Variants in FOXP2 observed in about 807,000 individuals in gnomAD.
FOXP2 encodes forkhead box protein P2.
FOXP2 carries 12 observed loss-of-function variants against 115.8 expected under a neutral mutation model. The ratio of observed to expected loss-of-function variants is 0.10; its 90% confidence interval spans 0.07 to 0.17. FOXP2 has a LOEUF of 0.17. Ranked by LOEUF, FOXP2 falls within the 10% of genes least tolerant of loss-of-function variation. The pLI, the probability that FOXP2 is intolerant of heterozygous loss-of-function variation, is 1.00. For synonymous variants in FOXP2, 328 were observed against 297.7 expected (o/e 1.10, Z -1.05); for missense variants, 629 against 843.5 (o/e 0.75, Z 3.15).
chr7:114,360,179 C>T (rs1562886462), intron 2 of FOXP2, among the ~76,000 whole-genome samples: 3 of 152,130 alleles, frequency 2.0e-5, no homozygotes, highest in Non-Finnish European at 2.9e-5. Flanking sequence ...TTCCTCTGCA[C>T]CTGCTCTCTT....
chr7:114,660,757 A>G (rs567385192), intron 13 of FOXP2, among the ~76,000 whole-genome samples: 1 of 152,192 alleles, frequency 6.6e-6, no homozygotes, highest in African/African-American at 2.4e-5. Flanking sequence ...TATGTTGAAG[A>G]TTTACATTTT....
At position 114,561,726 on chromosome 7, in the gene FOXP2, G is replaced by A. The variant is rs527947908; in HGVS notation, c.258+27020G>A. Among the ~76,000 whole-genome samples the A allele has an allele frequency of 1.8e-3, 271 of 152,150 alleles. 1 individual carries two copies. Among genetic ancestry groups the A allele is most frequent in the African/African-American group, 6.4e-3 (266 of 41,518 alleles). ...TAAAAATTATAAACATTCATGAATC[G>A]ATTCCTTTAAAAATGTTCTCCATGA... On this transcript the variant is annotated intron_variant, in intron 3 of 16. Coordinates refer to ENST00000350908, the MANE Select transcript of FOXP2 (RefSeq NM_014491.4).
intron 3 of FOXP2, among the ~76,000 whole-genome samples, chr7:114,592,592 T>TA (rs1414957040): frequency 3.3e-5 from 5 of 152,152 alleles, no homozygotes; most frequent in African/African-American, 1.2e-4. Context: ...CTTTCTTGAT[T>TA]AGCCTTTCTT....
intron 3 of FOXP2, among the ~76,000 whole-genome samples, chr7:114,616,630 A>T (rs188937609): frequency 2.9e-4 from 44 of 152,206 alleles, no homozygotes; most frequent in African/African-American, 8.4e-4. Flanking sequence ...GAAGATATTA[A>T]CTCCTTAGAA....
At chr7:114,291,282 A>T (rs1378593586) in intron 2 of FOXP2, among the ~76,000 whole-genome samples, 1 of 152,086 alleles carries the variant, frequency 6.6e-6, no homozygotes, top group Non-Finnish European at 1.5e-5. Flanking sequence ...TTCCTTTTAT[A>T]AAAAGGGCAC....
At chr7:114,620,245 GC>G (rs771185184) in intron 3 of FOXP2, among the ~76,000 whole-genome samples, 1 of 152,014 alleles carries the variant, frequency 6.6e-6, no homozygotes, top group Non-Finnish European at 1.5e-5. Context: ...CTGATTCCAA[GC>G]TTAGAAATAA....
At chr7:114,568,317 A>G (rs771970279) in intron 3 of FOXP2, among the ~76,000 whole-genome samples, 2 of 151,966 alleles carry the variant, frequency 1.3e-5, no homozygotes, top group Non-Finnish European at 2.9e-5. Context: ...TGATAAAAAT[A>G]AGATATATCA....
intron 16 of FOXP2, among the ~76,000 whole-genome samples, chr7:114,687,061 G>A (rs1808405531): frequency 6.6e-6 from 1 of 152,156 alleles, no homozygotes; most frequent in Non-Finnish European, 1.5e-5. Context: ...AACGTGAAAT[G>A]TCTGTTTCTG....
intron 1 of FOXP2, among the ~76,000 whole-genome samples, chr7:114,143,167 A>G (rs910395536): frequency 2.0e-4 from 30 of 148,970 alleles, no homozygotes; most frequent in African/African-American, 4.9e-4. Context: ...AATAATAATA[A>G]TAATAATAAT....
chr7:114,635,789 G>T (rs905685953), intron 6 of FOXP2, among the ~76,000 whole-genome samples: 3 of 151,928 alleles, frequency 2.0e-5, no homozygotes, highest in East Asian at 3.9e-4. Flanking sequence ...AGGAAGACTC[G>T]AAAGCAGTGT....
chr7:114,445,958 C>T (rs1183556076), intron 2 of FOXP2, among the ~76,000 whole-genome samples: 2 of 152,006 alleles, frequency 1.3e-5, no homozygotes, highest in African/African-American at 4.8e-5. Flanking sequence ...ATGTAATAGC[C>T]AATCTGGTAC....
chr7:114,174,743 A>G (rs1426454333), intron 1 of FOXP2, among the ~76,000 whole-genome samples: 1 of 152,116 alleles, frequency 6.6e-6, no homozygotes, highest in Admixed American at 6.5e-5. Flanking sequence ...TGTTTCATTC[A>G]GGTTTTACTA....
intron 6 of FOXP2, among the ~76,000 whole-genome samples, chr7:114,634,035 C>T (rs1805073760): frequency 2.0e-5 from 3 of 151,702 alleles, no homozygotes; most frequent in African/African-American, 7.3e-5. Context: ...CACTCTGTCA[C>T]CCACACTAGA....
In FOXP2 at chr7:114,219,472, T is replaced by C. The variant is rs920281862; in HGVS notation, c.-102+56384T>C. ...TTTTCTGCTTTTGAAGTTTTTCTTATCAATAGTAACAGCTATATTTGTTTT... is the reference window on the plus strand; with the variant it reads ...TTTTCTGCTTTTGAAGTTTTTCTTACCAATAGTAACAGCTATATTTGTTTT... On this transcript the variant is annotated intron_variant, in intron 1 of 17. Coordinates refer to the FOXP2 transcript ENST00000634411. Among the ~76,000 whole-genome samples the C allele has an allele frequency of 3.3e-5, 5 of 152,190 alleles. No homozygotes were observed. The East Asian group carries it at 5.8e-4, about 18-fold the overall frequency.
At chr7:114,494,378 C>T (rs572290715) in intron 2 of FOXP2, among the ~76,000 whole-genome samples, 1 of 152,174 alleles carries the variant, frequency 6.6e-6, no homozygotes, top group East Asian at 1.9e-4. Context: ...GAGATAAAGC[C>T]TTGATGTGTT....
chr7:114,529,951 C>T (rs1011242973), intron 2 of FOXP2, among the ~76,000 whole-genome samples: 1 of 151,872 alleles, frequency 6.6e-6, no homozygotes, highest in African/African-American at 2.4e-5. Context: ...GAAAATTAAA[C>T]TCTGTTTGAA....
At chr7:114,178,061 T>C (rs1046033219) in intron 1 of FOXP2, among the ~76,000 whole-genome samples, 2 of 151,978 alleles carry the variant, frequency 1.3e-5, no homozygotes, top group Non-Finnish European at 2.9e-5. Flanking sequence ...ATCATACATA[T>C]GAAGTGTAAA....
chr7:114,098,622 A>G (rs1163215507), intron 1 of FOXP2, among the ~76,000 whole-genome samples: 1 of 152,236 alleles, frequency 6.6e-6, no homozygotes, highest in Admixed American at 6.5e-5. Flanking sequence ...TAAAACTCCT[A>G]GAAGAGAACA....
At chr7:114,164,583 G>A (rs924690698) in intron 1 of FOXP2, among the ~76,000 whole-genome samples, 7 of 151,712 alleles carry the variant, frequency 4.6e-5, no homozygotes, top group Non-Finnish European at 7.4e-5. Context: ...CTTGTGATCC[G>A]CCCGCCTCAG....
Sources: allele counts gnomAD v4.1 joint callset (sites outside exome capture counted in the v4.1 genomes callset), GRCh38; gene constraint gnomAD v4.1.1; transcripts MANE v1.5; gene names NCBI Gene and HGNC (gene_info 2026-07-23, HGNC 2026-07-21).